Variants in USP20 observed in about 807,000 individuals in gnomAD.
USP20 encodes ubiquitin carboxyl-terminal hydrolase 20.
USP20 carries 80 observed loss-of-function variants against 124.2 expected under a neutral mutation model. The observed-to-expected ratio is 0.64, with a 90% CI of 0.54 to 0.78. USP20 has a LOEUF of 0.78. Ranked by LOEUF, USP20 falls within the 30% of genes least tolerant of loss-of-function variation. The probability of loss-of-function intolerance (pLI) is 0.00; values close to 1 mark genes in which losing one functional copy is unlikely to be tolerated. For missense variants in USP20, 1,043 were observed against 1,244.4 expected (o/e 0.84, Z 2.44); for synonymous variants, 481 against 512.3 (o/e 0.94, Z 0.83).
intron 8 of USP20, among the ~76,000 whole-genome samples, chr9:129,862,974 G>A (rs921008268): frequency 6.6e-6 from 1 of 152,024 alleles, no homozygotes; most frequent in Non-Finnish European, 1.5e-5. Flanking sequence ...AAAATGCCCT[G>A]TCTCTGGGAG....
chr9:129,860,637 T>A (rs1381595397), intron 6 of USP20, among the ~76,000 whole-genome samples: 1 of 151,860 alleles, frequency 6.6e-6, no homozygotes, highest in Admixed American at 6.6e-5. Flanking sequence ...GGTGGGAGGA[T>A]CCCTTGAGCC....
At chr9:129,845,665 T>C (rs960016140) in intron 1 of USP20, among the ~76,000 whole-genome samples, 13 of 151,996 alleles carry the variant, frequency 8.6e-5, no homozygotes, top group Non-Finnish European at 2.9e-5. Context: ...GCACTAGGAT[T>C]ACAGGCGTGA....
At chr9:129,873,076 TC>T (rs1311134601) in intron 15 of USP20, among the ~76,000 whole-genome samples, 1,279 of 82,570 alleles carry the variant, frequency 0.015, 8 homozygotes, top group South Asian at 0.034. Context: ...TTCTTTTTCT[TC>T]TTCTTTTTTT....
Position 129,879,315 on chromosome 9 carries a change from A to C in USP20, c.2513-258A>C, listed in dbSNP as rs2034540441. 1 of 478,426 alleles carries C rather than the reference A, an allele frequency of 2.1e-6. No homozygotes were observed. Among genetic ancestry groups the C allele is most frequent in the African/African-American group, 2.0e-5 (1 of 50,562 alleles). 29.6% of individuals were successfully genotyped at this position (478,426 alleles called of 1,614,324 possible). A position where few individuals can be genotyped will look rare whatever the true frequency, so the allele number is the denominator to read the frequency against. On this transcript the variant is annotated intron_variant, in intron 23 of 25. Transcript: ENST00000372429. The surrounding 1 kb of genome is among the most constrained non-coding windows in gnomAD (Gnocchi z 4.2). Reference sequence around the variant, plus strand: ...GGCGTGGTGAGCGGCAGCTGCCAGCAGAGATAAGGGCATGGGCCATCCACC... The same window carrying C: ...GGCGTGGTGAGCGGCAGCTGCCAGCCGAGATAAGGGCATGGGCCATCCACC...
chr9:129,864,773 C>A (rs1392220938), intron 9 of USP20, among the ~76,000 whole-genome samples: 7 of 85,712 alleles, frequency 8.2e-5, no homozygotes, highest in Admixed American at 1.2e-4. Context: ...GACTCTGTCC[C>A]AAAAAAAAAA....
intron 22 of USP20, among the ~76,000 whole-genome samples, chr9:129,878,108 A>C (rs540485684): frequency 1.3e-5 from 2 of 152,298 alleles, no homozygotes; most frequent in South Asian, 4.1e-4. Context: ...CAGTTGGGTC[A>C]AACAGTTATT....
In USP20 at chr9:129,880,224, A is replaced by G. The variant is rs2034582555; in HGVS notation, c.2696A>G (p.Glu899Gly). The change falls in exon 25 of 26, where the codon GAG becomes GGG. Residue 899 changes from glutamate (E) to glycine (G), a missense_variant. Coordinates refer to ENST00000372429, the MANE Select transcript of USP20 (RefSeq NM_001110303.4). ...AGTGTGGCGCAGCCGCTGGGCCCAG[A>G]GAACCTGCACGGGGAGCAGAAGATC... is the stretch of plus-strand genomic sequence containing the variant. ...RQSVAQPLGP[E>G]NLHGEQKIEA... 1 of 1,613,104 alleles carries G rather than the reference A, an allele frequency of 6.2e-7. No individual in the cohort carries two copies. The highest frequency in any genetic ancestry group is 1.3e-5 in the African/African-American group (1 of 74,928).
intron 15 of USP20, 117 bp downstream of exon 15, chr9:129,870,664 C>T (rs1268287380): frequency 4.1e-6 from 5 of 1,207,932 alleles, no homozygotes; most frequent in Non-Finnish European, 5.8e-6. Flanking sequence ...CCAGGCTAGA[C>T]TTGGCTTCCA....
intron 15 of USP20, among the ~76,000 whole-genome samples, chr9:129,873,033 C>T (rs1440979020): frequency 6.6e-5 from 10 of 151,372 alleles, no homozygotes; most frequent in Non-Finnish European, 1.0e-4. Flanking sequence ...AGGGCCTTCC[C>T]TCCCTCCAGT....
At chr9:129,863,163 G>A in intron 8 of USP20, 23 bp from the exon 9 acceptor site, 8 of 1,502,870 alleles carry the variant, frequency 5.3e-6, no homozygotes, top group Non-Finnish European at 5.4e-6. Context: ...CTCCTGACCT[G>A]GCTCTCTCTC....
intron 1 of USP20, chr9:129,835,991 T>C (rs1462793421): frequency 2.6e-5 from 4 of 152,272 alleles, no homozygotes; most frequent in Non-Finnish European, 5.9e-5. Flanking sequence ...TCTGATGTTT[T>C]GAAGCCACGC....
chr9:129,836,612 C>G (rs2031855560), intron 1 of USP20, among the ~76,000 whole-genome samples: 1 of 152,200 alleles, frequency 6.6e-6, no homozygotes, highest in South Asian at 2.1e-4. Context: ...CATTCCGAAG[C>G]AGGGCAGCAT....
rs544650038 is a variant in USP20, at chr9:129,842,549, C to T, written c.-129+7050C>T. Among the ~76,000 whole-genome samples, 5 of 151,498 alleles carry T rather than the reference C, an allele frequency of 3.3e-5. No homozygotes were observed. In the South Asian group the frequency reaches 1.0e-3, roughly 32 times the overall value. On this transcript the variant is annotated intron_variant, in intron 1 of 25. Transcript: ENST00000372429. ...TTCAGACAGCTGAGATATGCACCCT[C>T]TTGTCGACCCCCATGCTTCCGATAT...
At chr9:129,861,131 C>A in intron 7 of USP20, 98 bp downstream of exon 7, 1 of 1,120,352 alleles carries the variant, frequency 8.9e-7, no homozygotes, top group South Asian at 1.3e-5. Flanking sequence ...TTTGCACCTG[C>A]TATATGGGCA....
At chr9:129,862,009 T>C (rs1378270879) in intron 8 of USP20, among the ~76,000 whole-genome samples, 2 of 152,138 alleles carry the variant, frequency 1.3e-5, no homozygotes, top group African/African-American at 4.8e-5. Context: ...CATTGCATGG[T>C]ACAATCCCGT....
chr9:129,866,790 A>G (rs1012171708), intron 10 of USP20, among the ~76,000 whole-genome samples: 3 of 152,250 alleles, frequency 2.0e-5, no homozygotes, highest in Non-Finnish European at 4.4e-5. Context: ...AGGAACACAT[A>G]GTACTTTTGT....
chr9:129,850,114 A>T (rs997987163), intron 2 of USP20, among the ~76,000 whole-genome samples, 190 bp downstream of exon 2: 3 of 152,186 alleles, frequency 2.0e-5, no homozygotes, highest in Non-Finnish European at 4.4e-5. Context: ...AAGAGGAAGC[A>T]GGAGGTTGAG....
rs533638474 is a variant in USP20, at chr9:129,868,267, G to A, written c.953G>A (p.Gly318Asp). 134 of 1,613,974 alleles carry A rather than the reference G, an allele frequency of 8.3e-5. 2 individuals are homozygous for A. The South Asian group carries it at 1.4e-3, about 17-fold the overall frequency. Residue 318 changes from glycine (G) to aspartate (D), a missense_variant, in exon 11 of 26, where the codon GGC (glycine) becomes GAC (aspartate). Coordinates refer to ENST00000372429, the MANE Select transcript of USP20 (RefSeq NM_001110303.4). ...ETELLIPDEAGRAISEKERMK... is the reference protein window; with the variant it reads ...ETELLIPDEADRAISEKERMK... ...GAGCTGCTGATCCCAGATGAGGCGGGCCGAGCCATCTCTGAGAAGGAGCGG... is the reference window on the plus strand; with the variant it reads ...GAGCTGCTGATCCCAGATGAGGCGGACCGAGCCATCTCTGAGAAGGAGCGG...
chr9:129,865,408 C>T lies in USP20; in HGVS notation c.690+27C>T, dbSNP rs1357686951. The T allele has an allele frequency of 2.5e-6, 4 of 1,612,688 alleles. No individual in the cohort carries two copies. In the African/African-American group the frequency reaches 4.0e-5, roughly 16 times the overall value. On this transcript the variant is annotated intron_variant, in intron 10 of 25. Coordinates refer to ENST00000372429, the MANE Select transcript of USP20 (RefSeq NM_001110303.4). ...TAAGCCATCTGAGCTGCCCAGGGGA[C>T]ACCCAAGGCCATGACCCACCAGGCC... is the stretch of plus-strand genomic sequence containing the variant.
Sources: gnomAD v4.1 joint callset for allele counts (sites outside exome capture counted in the v4.1 genomes callset) on GRCh38, gnomAD v4.1.1 for gene constraint, Gnocchi (gnomAD v3.1) non-coding constraint, MANE v1.5 for transcripts, NCBI Gene and HGNC (gene_info 2026-07-23, HGNC 2026-07-21) for gene names.